Variants in LRTM3 observed in about 807,000 individuals in gnomAD.
LRTM3 encodes leucine-rich repeat transmembrane protein 3.
the LRTM3 span, chr13:102,741,369 G>T: frequency 6.5e-7 from 1 of 1,549,528 alleles, no homozygotes; most frequent in East Asian, 2.4e-5. Flanking sequence ...TCGGGAACAT[G>T]ATCTGGATTC....
At chr13:102,733,474 C>G in the LRTM3 span, 1 of 1,551,316 alleles carries the variant, frequency 6.4e-7, no homozygotes, top group Non-Finnish European at 8.7e-7. Context: ...GTGTGACATA[C>G]AGTTCCTTAG....
chr13:102,731,000 G>C, the LRTM3 span: 5 of 1,551,412 alleles, frequency 3.2e-6, no homozygotes, highest in Non-Finnish European at 4.4e-6. Flanking sequence ...TACAATTCTG[G>C]GAAAGGCTTT....
chr13:102,737,589 G>A, the LRTM3 span: 10 of 1,550,528 alleles, frequency 6.4e-6, no homozygotes, highest in Non-Finnish European at 8.7e-6. Flanking sequence ...GGATTCAGTG[G>A]TAGGTTCTGT....
At chr13:102,730,159 C>T in the LRTM3 span, 2 of 1,550,116 alleles carry the variant, frequency 1.3e-6, no homozygotes, top group South Asian at 2.4e-5. Context: ...CCTTTCTGCA[C>T]TCTCTAGTAC....
chr13:102,758,355 A>G, the LRTM3 span: 3 of 1,291,882 alleles, frequency 2.3e-6, no homozygotes, highest in South Asian at 4.2e-5. Flanking sequence ...TTTGAATAGA[A>G]CACAACCAAC....
At chr13:102,733,769 A>C in the LRTM3 span, 2 of 1,551,156 alleles carry the variant, frequency 1.3e-6, no homozygotes, top group Non-Finnish European at 1.7e-6. Flanking sequence ...TTCTGACCTG[A>C]CTCGTGAAGG....
the LRTM3 span, chr13:102,740,184 C>T: frequency 1.9e-6 from 3 of 1,548,348 alleles, no homozygotes; most frequent in Non-Finnish European, 2.6e-6. Flanking sequence ...GATATTAAAT[C>T]AAAGACCTGT....
At chr13:102,745,792 A>G in the LRTM3 span, 5 of 1,551,190 alleles carry the variant, frequency 3.2e-6, no homozygotes, top group Non-Finnish European at 3.5e-6. Flanking sequence ...CAGACTTTAG[A>G]GGTGAAAACC....
chr13:102,734,363 G>T, the LRTM3 span: 1 of 1,551,350 alleles, frequency 6.4e-7, no homozygotes, highest in East Asian at 2.4e-5. Context: ...ATCTGCATGC[G>T]TAGCTCTCTC....
At chr13:102,739,792 G>T in the LRTM3 span, 3 of 1,549,120 alleles carry the variant, frequency 1.9e-6, no homozygotes, top group South Asian at 3.6e-5. Context: ...TCAATTTGAA[G>T]TGAGGTAAAG....
the LRTM3 span, chr13:102,742,791 C>T: frequency 6.4e-7 from 1 of 1,550,498 alleles, no homozygotes; most frequent in Non-Finnish European, 8.7e-7. Flanking sequence ...TGCCTGCCAA[C>T]AGAATCTGGG....
At chr13:102,734,807 T>C in the LRTM3 span, 4 of 1,551,164 alleles carry the variant, frequency 2.6e-6, no homozygotes, top group East Asian at 2.4e-5. Flanking sequence ...CACACCTGGT[T>C]CACCTTCACA....
the LRTM3 span, chr13:102,745,473 T>C: frequency 8.4e-6 from 13 of 1,551,080 alleles, no homozygotes; most frequent in Non-Finnish European, 1.1e-5. Flanking sequence ...TCTTTCATTT[T>C]GGTTGTCAAG....
the LRTM3 span, chr13:102,731,795 T>A: frequency 6.4e-7 from 1 of 1,550,768 alleles, no homozygotes. Context: ...TGTGGTCATG[T>A]CCCATACTGG....
the LRTM3 span, chr13:102,748,513 T>C: frequency 6.4e-7 from 1 of 1,550,920 alleles, no homozygotes; most frequent in Non-Finnish European, 8.7e-7. Context: ...CATTTGAAAG[T>C]TGAAGATGGG....
At chr13:102,744,331 T>A in the LRTM3 span, 11 of 1,549,872 alleles carry the variant, frequency 7.1e-6, no homozygotes, top group Middle Eastern at 3.3e-4. Context: ...GTTTTAAGAC[T>A]GTTTGTAAGT....
At chr13:102,732,734 G>T in the LRTM3 span, 1 of 1,551,170 alleles carries the variant, frequency 6.4e-7, no homozygotes, top group South Asian at 1.2e-5. Flanking sequence ...GGCAGTCCTG[G>T]CCTTGTGCAT....
chr13:102,740,528 T>G, the LRTM3 span: 2 of 1,549,684 alleles, frequency 1.3e-6, no homozygotes, highest in African/African-American at 2.7e-5. Context: ...CTGCCATTTT[T>G]GGCCTGTTTT....
At chr13:102,735,175 A>G in the LRTM3 span, 1 of 1,551,306 alleles carries the variant, frequency 6.4e-7, no homozygotes, top group Non-Finnish European at 8.7e-7. Context: ...GATCACTGAA[A>G]CTGTGCGTAT....
Sources: allele counts gnomAD v4.1 joint callset, GRCh38; gene constraint gnomAD v4.1.1; transcripts MANE v1.5; gene names NCBI Gene and HGNC (gene_info 2026-07-23, HGNC 2026-07-21).